The following NPAS2 variants were observed in gnomAD, a reference collection of about 807,000 sequenced individuals.
NPAS2 encodes neuronal PAS domain protein 2.
NPAS2 carries 23 observed loss-of-function variants against 107.5 expected under a neutral mutation model. The observed-to-expected ratio is 0.21, with a 90% confidence interval of 0.15 to 0.30. The LOEUF is 0.30. Ranked by LOEUF, NPAS2 falls within the 10% of genes least tolerant of loss-of-function variation. NPAS2 has a pLI of 1.00. For missense variants in NPAS2, 756 were observed against 1,043.3 expected, an observed-to-expected ratio of 0.72 and a Z score of 3.79; for synonymous variants, 403 against 417.5, an observed-to-expected ratio of 0.97 and a Z score of 0.42.
intron 1 of NPAS2, among the ~76,000 whole-genome samples, chr2:100,899,888 T>C (rs187165386): frequency 4.8e-4 from 73 of 152,240 alleles, no homozygotes; most frequent in Admixed American, 4.6e-3. Flanking sequence ...ATGTCCATAT[T>C]GGGGGCGTGG....
chr2:100,993,590 G>T (rs960745377), intron 20 of NPAS2, 63 bp downstream of exon 20: 2 of 1,250,784 alleles, frequency 1.6e-6, no homozygotes, highest in Non-Finnish European at 1.1e-6. Flanking sequence ...CTCCACACCC[G>T]AAGTCTCAGA....
rs1284926566 is a variant in NPAS2 at position 100,995,427 on chromosome 2, G to C, written c.2320G>C (p.Glu774Gln). Residue 774 changes from glutamate to glutamine, a missense_variant, in exon 21 of 21, where the codon GAG (glutamate) becomes CAG (glutamine). Transcript: ENST00000335681. ...QVQAPTSLHSEQQDSLLLSTY... is the reference protein window; with the variant it reads ...QVQAPTSLHSQQQDSLLLSTY... ...ACAGGCACCAACCTCTTTGCACAGT[G>C]AGCAGCAGGACTCGCTACTTCTCTC... is the stretch of plus-strand genomic sequence containing the variant. 4.3e-6 allele frequency: 7 copies of C among 1,613,760 alleles called. No individual in the cohort carries two copies. The South Asian group carries it at 7.7e-5, about 18-fold the overall frequency.
At chr2:100,905,113 A>G (rs1682060319) in intron 2 of NPAS2, among the ~76,000 whole-genome samples, 2 of 152,160 alleles carry the variant, frequency 1.3e-5, no homozygotes, top group African/African-American at 4.8e-5. Flanking sequence ...CTGCTTGACA[A>G]GTCAGGCTGA....
At chr2:100,990,169 A>G (rs1361818038) in intron 17 of NPAS2, 87 bp from the exon 18 acceptor site, 3 of 1,169,750 alleles carry the variant, frequency 2.6e-6, no homozygotes, top group Non-Finnish European at 3.8e-6. Context: ...AAGGGTAGGT[A>G]GAAGGAGGAG....
intron 1 of NPAS2, among the ~76,000 whole-genome samples, chr2:100,899,218 G>C (rs1261578728): frequency 6.6e-6 from 1 of 150,784 alleles, no homozygotes; most frequent in Admixed American, 6.6e-5. Context: ...GAAAATTATG[G>C]ACTTCTTTTT....
intron 1 of NPAS2, among the ~76,000 whole-genome samples, chr2:100,863,621 T>C (rs1679074399): frequency 1.3e-5 from 2 of 152,236 alleles, no homozygotes; most frequent in South Asian, 4.1e-4. Flanking sequence ...TTTCTTTCTT[T>C]CTTCCTGCTA....
chr2:100,896,519 T>G (rs75376439), intron 1 of NPAS2, among the ~76,000 whole-genome samples: 3,074 of 152,254 alleles, frequency 0.02, 58 homozygotes, highest in African/African-American at 0.025. Flanking sequence ...AAAATGAGAT[T>G]ATGTTTTTTC....
intron 1 of NPAS2, among the ~76,000 whole-genome samples, chr2:100,881,460 C>G (rs1680334210): frequency 6.6e-6 from 1 of 152,250 alleles, no homozygotes; most frequent in Non-Finnish European, 1.5e-5. Flanking sequence ...CCAAGGCAGG[C>G]AGATCACTTG....
intron 1 of NPAS2, among the ~76,000 whole-genome samples, chr2:100,902,726 AC>A (rs1475161875): frequency 2.0e-5 from 3 of 152,232 alleles, no homozygotes; most frequent in Non-Finnish European, 4.4e-5. Flanking sequence ...GTATTTTATC[AC>A]AATTTTTTAA....
intron 1 of NPAS2, among the ~76,000 whole-genome samples, chr2:100,853,195 C>T (rs1486610349): frequency 6.6e-6 from 1 of 152,210 alleles, no homozygotes; most frequent in Non-Finnish European, 1.5e-5. Context: ...CACCAGAAGG[C>T]TCCTCTCAGC....
At chr2:100,947,891 C>T (rs890786861) in intron 5 of NPAS2, among the ~76,000 whole-genome samples, 5 of 152,228 alleles carry the variant, frequency 3.3e-5, no homozygotes, top group Non-Finnish European at 2.9e-5. Flanking sequence ...TCGCACTGGG[C>T]GTGCACAGGG....
intron 1 of NPAS2, among the ~76,000 whole-genome samples, chr2:100,848,394 A>T (rs974172): frequency 0.79 from 119,418 of 152,108 alleles, 47,625 homozygotes; most frequent in African/African-American, 0.91. Context: ...ATCTTATAGG[A>T]AAGATCTGGA....
intron 10 of NPAS2, among the ~76,000 whole-genome samples, chr2:100,967,729 G>A (rs1341240539): frequency 6.6e-6 from 1 of 152,166 alleles, no homozygotes. Context: ...AAAGCCACCA[G>A]CAGACATCAC....
At chr2:100,937,940 G>A (rs988102838) in intron 5 of NPAS2, 98 bp downstream of exon 5, 12 of 986,980 alleles carry the variant, frequency 1.2e-5, no homozygotes, top group Middle Eastern at 2.1e-4. Flanking sequence ...GTGTCAGGGG[G>A]CTGCAGGTGA....
Position 100,881,189 on chromosome 2 carries a change from GCC to G in NPAS2, c.-22-23541_-22-23540del, listed in dbSNP as rs1381928646. Reference sequence around the variant, plus strand: ...TTTGTGTCCCTCCCATCCTACCTCGGCCCCAACAGGGATTTCTGTTTTAATGA... The same window carrying G: ...TTTGTGTCCCTCCCATCCTACCTCGGCCAACAGGGATTTCTGTTTTAATGA... On this transcript the variant is annotated intron_variant, in intron 1 of 20. Transcript: ENST00000335681. Among the ~76,000 whole-genome samples the G allele has an allele frequency of 2.0e-5, 3 of 152,310 alleles. No homozygotes were observed. The East Asian group carries it at 5.8e-4, about 29-fold the overall frequency.
At position 100,975,073 on chromosome 2, in the gene NPAS2, ATAC is replaced by A. The variant is rs1676885182; in HGVS notation, c.1282+131_1282+133del. The stretch of plus-strand genomic sequence containing the variant: ...TCCGACAGAGGTTGCCGTGCAGTTT[ATAC>A]TCCTCCTTTCCTTTCCCAGACTTCC... On this transcript the variant is annotated intron_variant, in intron 13 of 20. Coordinates refer to ENST00000335681, the MANE Select transcript of NPAS2 (RefSeq NM_002518.4). 4 of 946,424 alleles carry A rather than the reference ATAC, an allele frequency of 4.2e-6. No individual in the cohort carries two copies. The South Asian group carries it at 5.1e-5, about 12-fold the overall frequency. 58.6% of individuals were successfully genotyped at this position (946,424 alleles called of 1,614,324 possible).
Position 100,932,921 on chromosome 2 carries a change from C to G in NPAS2, c.193C>G (p.Gln65Glu), listed in dbSNP as rs759664980. ...FLQKHNEVSA[Q>E]TEICDIQQDW... The stretch of plus-strand genomic sequence containing the variant: ...TGTCTCTTTTCTAGAAGTCTCAGCG[C>G]AAACGGAAATCTGTGACATTCAGCA... Residue 65 changes from glutamine to glutamate, a missense_variant, in exon 4 of 21, where the codon CAA becomes GAA. Physicochemically the swap from Gln to Glu is conservative, Grantham distance 29. This residue lies in a region of NPAS2 where 146 missense variants were observed against 249.6 expected (regional missense o/e 0.58). Coordinates refer to ENST00000335681, the MANE Select transcript of NPAS2 (RefSeq NM_002518.4). 6.2e-7 allele frequency: 1 copy of G among 1,613,468 alleles called. No homozygotes were observed. The highest frequency in any genetic ancestry group is 1.7e-5 in the Admixed American group (1 of 60,022).
intron 1 of NPAS2, among the ~76,000 whole-genome samples, chr2:100,845,250 C>G (rs1350169848): frequency 1.3e-5 from 2 of 152,158 alleles, no homozygotes; most frequent in Non-Finnish European, 2.9e-5. Flanking sequence ...TGGGGCTGAT[C>G]ATTATAGTTT....
chr2:100,873,293 TATATATATATATATAC>T (rs1254736772), intron 1 of NPAS2, among the ~76,000 whole-genome samples: 33 of 45,750 alleles, frequency 7.2e-4, no homozygotes, highest in Non-Finnish European at 1.3e-3. Context: ...TATATATATA[TATATATATATATATAC>T]ACACACACAC....
Sources: gnomAD v4.1 joint callset for allele counts (sites outside exome capture counted in the v4.1 genomes callset) on GRCh38, gnomAD v4.1.1 for gene constraint, gnomAD v4.1.1 regional missense constraint, MANE v1.5 for transcripts, NCBI Gene and HGNC (gene_info 2026-07-23, HGNC 2026-07-21) for gene names.